Variants in PRICKLE3 observed in about 807,000 individuals in gnomAD.
PRICKLE3 encodes the protein prickle planar cell polarity protein 3.
In PRICKLE3, 17 loss-of-function variants were observed where a neutral mutation model predicts 33.8. The ratio of observed to expected loss-of-function variants is 0.50; its 90% confidence interval spans 0.34 to 0.75. The LOEUF is 0.75. Ranked by LOEUF, PRICKLE3 falls within the 30% of genes least tolerant of loss-of-function variation. The pLI, the probability that PRICKLE3 is intolerant of heterozygous loss-of-function variation, is 0.01. For synonymous variants in PRICKLE3, 211 were observed against 219.6 expected (o/e 0.96, Z 0.34); for missense variants, 573 against 576.7 (o/e 0.99, Z 0.07).
At chrX:49,183,996 G>T in intron 2 of PRICKLE3, 79 bp from the exon 3 acceptor site, 2 of 1,086,714 alleles carry the variant, frequency 1.8e-6, no homozygotes, top group Non-Finnish European at 2.5e-6. Flanking sequence ...CAATGGAGGA[G>T]CGGGGACATA....
Position 49,183,743 on chromosome X carries a change from C to T in PRICKLE3, c.303G>A (p.Lys101=), listed in dbSNP as rs782685443. ...EEYAWVPPGL[K]PEQVYQFFSC... ...GCTGGCCTCTGGTCACCTGCTCCGG[C>T]TTAAGGCCTGGGGGCACCCAGGCAT... is the stretch of plus-strand genomic sequence containing the variant. Residue 101 remains lysine, a synonymous_variant, in exon 3 of 9, where the codon AAG becomes AAA. Transcript: ENST00000599218. The T allele has an allele frequency of 2.5e-6, 3 of 1,210,048 alleles. No homozygotes were observed. The highest frequency in any genetic ancestry group is 3.4e-6 in the Non-Finnish European group (3 of 895,152).
chrX:49,180,461 C>T (rs2065443391), intron 3 of PRICKLE3, among the ~76,000 whole-genome samples: 1 of 111,608 alleles, frequency 9.0e-6, no homozygotes, highest in South Asian at 3.8e-4. Flanking sequence ...GCTCCCATCC[C>T]TCTTCCAAAG....
At position 49,183,915 on chromosome X, in the gene PRICKLE3, T is replaced by C; in HGVS notation, c.131A>G (p.Lys44Arg). ...CGGGCATTTGCAATGCTGGCAGATC[T>C]TTCTGAGGGGGCCGGGATGGGGGTC... ...CPGFLLHGWR[K>R]ICQHCKCPRE... The change falls in exon 3 of 9, where the codon AAG becomes AGG. Residue 44 changes from lysine (K) to arginine (R), a missense_variant and splice_region_variant. Transcript: ENST00000599218. 1 of 1,202,614 alleles carries C rather than the reference T, an allele frequency of 8.3e-7. No individual in the cohort carries two copies. Among genetic ancestry groups the C allele is most frequent in the Non-Finnish European group, 1.1e-6 (1 of 889,008 alleles).
intron 3 of PRICKLE3, among the ~76,000 whole-genome samples, chrX:49,181,603 G>GTA (rs201172753): frequency 8.9e-5 from 1 of 11,298 alleles, no homozygotes; most frequent in African/African-American, 1.4e-4. Flanking sequence ...ATCTATATAC[G>GTA]TATATATATA....
chrX:49,182,352 C>T (rs1301181662), intron 3 of PRICKLE3, among the ~76,000 whole-genome samples: 2 of 111,618 alleles, frequency 1.8e-5, no homozygotes, highest in Non-Finnish European at 3.8e-5. Context: ...ACCCTTATTC[C>T]TCCAGGCTGT....
At chrX:49,179,058 G>C (rs2065434760) in intron 5 of PRICKLE3, among the ~76,000 whole-genome samples, 193 bp downstream of exon 5, 1 of 112,228 alleles carries the variant, frequency 8.9e-6, no homozygotes, top group African/African-American at 3.2e-5. Context: ...TCCACCAGGG[G>C]TTGCCTTAGA....
Position 49,178,072 on chromosome X carries a change from C to T in PRICKLE3, c.876G>A (p.Met292Ile). ...EASLGGQRYVMRQSRPHCCAC... is the reference protein window; with the variant it reads ...EASLGGQRYVIRQSRPHCCAC... ...CGCAGCAGTGGGGGCGGCTCTGACG[C>T]ATGACATAGCGCTGCCCTCCTAGTG... is the stretch of plus-strand genomic sequence containing the variant. Residue 292 changes from methionine (M) to isoleucine (I), a missense_variant, in exon 7 of 9, where the codon ATG (methionine) becomes ATA (isoleucine). Coordinates refer to ENST00000599218, the MANE Select transcript of PRICKLE3 (RefSeq NM_006150.5). 2 of 1,172,115 alleles carry T rather than the reference C, an allele frequency of 1.7e-6. No individual in the cohort carries two copies. Among genetic ancestry groups the T allele is most frequent in the Non-Finnish European group, 2.3e-6 (2 of 873,890 alleles).
At chrX:49,185,792 A>G (rs11091249) in intron 1 of PRICKLE3, among the ~76,000 whole-genome samples, 13,717 of 105,610 alleles carry the variant, frequency 0.13, 2,360 homozygotes, top group African/African-American at 0.45. Flanking sequence ...TCCCAGGTAC[A>G]TGGGAGGCTG....
At chrX:49,177,457 G>A (rs781894716) in intron 7 of PRICKLE3, among the ~76,000 whole-genome samples, 1 of 112,520 alleles carries the variant, frequency 8.9e-6, no homozygotes, top group Non-Finnish European at 1.9e-5. Flanking sequence ...CCAGAGCGGG[G>A]TGGGCATTGG....
At chrX:49,183,330 G>A (rs1262930756) in intron 3 of PRICKLE3, among the ~76,000 whole-genome samples, 5 of 111,029 alleles carry the variant, frequency 4.5e-5, no homozygotes, top group African/African-American at 1.6e-4. Context: ...GGAGGCCGAG[G>A]CAGGATCACT....
intron 1 of PRICKLE3, chrX:49,184,961 C>T (rs1228884086): frequency 1.9e-5 from 19 of 1,006,656 alleles, no homozygotes; most frequent in Non-Finnish European, 2.1e-5. Flanking sequence ...AGGCTGGCCT[C>T]GGACCCCCCT....
At position 49,179,248 on chromosome X, in the gene PRICKLE3, C is replaced by T. The variant is rs1262212831; in HGVS notation, c.564+3G>A. On this transcript the variant is annotated splice_donor_region_variant and intron_variant, in intron 5 of 8. Transcript: ENST00000599218. ...TCACTCGCTGAGGCCCTCCACGGCT[C>T]ACCTCCTCACAGATGGCCCCAGTGA... 5 of 1,210,358 alleles carry T rather than the reference C, an allele frequency of 4.1e-6. No individual in the cohort carries two copies. The highest frequency in any genetic ancestry group is 5.6e-6 in the Non-Finnish European group (5 of 894,658).
At chrX:49,181,361 C>T (rs1557100946) in intron 3 of PRICKLE3, among the ~76,000 whole-genome samples, 1 of 93,552 alleles carries the variant, frequency 1.1e-5, no homozygotes, top group Non-Finnish European at 2.1e-5. Flanking sequence ...GAGTGAGACC[C>T]CCCCCCATAT....
Position 49,174,812 on chromosome X carries a change from A to C in PRICKLE3, c.*861T>G. The C allele has an allele frequency of 1.5e-6, 1 of 653,440 alleles. No individual in the cohort carries two copies. The highest frequency in any genetic ancestry group is 2.3e-5 in the South Asian group (1 of 42,881). 53.9% of individuals were successfully genotyped at this position (653,440 alleles called of 1,213,427 possible). A position where few individuals can be genotyped will look rare whatever the true frequency, so the allele number is the denominator to read the frequency against. Reference sequence around the variant, plus strand: ...AACTCCCACCCCCTCTTTGAGGTAAAAGTGCCTTTATTGGGAGACTTTTGT... The same window carrying C: ...AACTCCCACCCCCTCTTTGAGGTAACAGTGCCTTTATTGGGAGACTTTTGT... On this transcript the variant is annotated 3_prime_UTR_variant, in exon 9 of 9. Transcript: ENST00000599218.
intron 8 of PRICKLE3, among the ~76,000 whole-genome samples, chrX:49,176,646 C>T (rs781925395): frequency 6.5e-5 from 7 of 108,290 alleles, no homozygotes; most frequent in Non-Finnish European, 9.6e-5. Context: ...TGGGGTCAAG[C>T]AGAGACAAGT....
intron 1 of PRICKLE3, 141 bp from the exon 2 acceptor site, chrX:49,184,851 C>T: frequency 8.6e-7 from 1 of 1,160,691 alleles, no homozygotes; most frequent in Non-Finnish European, 1.1e-6. Flanking sequence ...CAGGCTGGGA[C>T]AGCGCCCAGA....
rs1205543567 is a variant in PRICKLE3, at chrX:49,177,889, A to T, written c.955+104T>A. On this transcript the variant is annotated intron_variant, in intron 7 of 8. Coordinates refer to ENST00000599218, the MANE Select transcript of PRICKLE3 (RefSeq NM_006150.5). ...GTTGGGGCTGGACAAAGTACAGGGC[A>T]CAATGGAGGATGGGGCCTGGAGGAC... 3 of 934,720 alleles carry T rather than the reference A, an allele frequency of 3.2e-6. No individual in the cohort carries two copies. The East Asian group carries it at 9.7e-5, about 30-fold the overall frequency. 77.0% of individuals were successfully genotyped at this position (934,720 alleles called of 1,213,427 possible).
chrX:49,175,893 T>G lies in PRICKLE3; in HGVS notation c.1628A>C (p.Glu543Ala), dbSNP rs782035030. ...QCDAGSGSDS[E>A]SCSSSPSSSS... ...ACTGGAGGGCGAGCTGGAGCAAGAT[T>G]CCGAGTCTGACCCTGATCCCGCGTC... The change falls in exon 9 of 9, where the codon GAA (glutamate) becomes GCA (alanine). Residue 543 changes from glutamate (E) to alanine (A), a missense_variant. Glu to Ala is a moderately radical substitution (Grantham distance 107, BLOSUM62 -1). Coordinates refer to ENST00000599218, the MANE Select transcript of PRICKLE3 (RefSeq NM_006150.5). 1.5e-5 allele frequency: 18 copies of G among 1,209,879 alleles called. No individual in the cohort carries two copies. Among genetic ancestry groups the G allele is most frequent in the Non-Finnish European group, 1.7e-5 (15 of 895,173 alleles).
chrX:49,181,434 A>T (rs781902895), intron 3 of PRICKLE3, among the ~76,000 whole-genome samples: 1 of 93,489 alleles, frequency 1.1e-5, no homozygotes, highest in Non-Finnish European at 2.1e-5. Context: ...TACGTATATT[A>T]TTTACGTAAA....
Sources: allele counts gnomAD v4.1 joint callset (sites outside exome capture counted in the v4.1 genomes callset), GRCh38; gene constraint gnomAD v4.1.1; transcripts MANE v1.5; gene names NCBI Gene and HGNC (gene_info 2026-07-23, HGNC 2026-07-21).